Variants in ZNF804A observed in about 807,000 individuals in gnomAD.
ZNF804A encodes zinc finger protein 804A.
A neutral mutation model predicts 16.5 loss-of-function variants in ZNF804A; 2 were observed. The observed-to-expected ratio is 0.12, with a 90% confidence interval of 0.05 to 0.38. The LOEUF (loss-of-function observed/expected upper bound fraction) is 0.38, where lower values mean the gene tolerates loss of function less well. ZNF804A is among the 10% of genes least tolerant of loss of function. The probability of loss-of-function intolerance (pLI) is 0.99; values close to 1 mark genes in which losing one functional copy is unlikely to be tolerated. For missense variants in ZNF804A, 1,473 were observed against 1,390.7 expected, an observed-to-expected ratio of 1.06 and a Z score of -0.94; for synonymous variants, 534 against 489.6, an observed-to-expected ratio of 1.09 and a Z score of -1.20.
At chr2:184,742,017 AT>A (rs948013106) in intron 1 of ZNF804A, among the ~76,000 whole-genome samples, 24 of 152,074 alleles carry the variant, frequency 1.6e-4, no homozygotes, top group African/African-American at 5.5e-4. Context: ...TCTAATTTTT[AT>A]TTTTTATTTT....
intron 1 of ZNF804A, among the ~76,000 whole-genome samples, chr2:184,689,699 T>C (rs563205619): frequency 9.2e-5 from 14 of 152,206 alleles, no homozygotes; most frequent in Admixed American, 4.6e-4. Context: ...CACAACATTT[T>C]TAGCTCTTTA....
intron 1 of ZNF804A, among the ~76,000 whole-genome samples, chr2:184,641,877 A>G (rs1691801473): frequency 6.6e-6 from 1 of 152,194 alleles, no homozygotes; most frequent in South Asian, 2.1e-4. Context: ...TAGAAAACAA[A>G]TATTTTTGTA....
chr2:184,686,261 G>A (rs1164006480), intron 1 of ZNF804A, among the ~76,000 whole-genome samples: 1 of 152,186 alleles, frequency 6.6e-6, no homozygotes, highest in East Asian at 1.9e-4. Flanking sequence ...CAACTCAGTA[G>A]GGGGCGGGGC....
At chr2:184,634,875 G>A (rs1448758620) in intron 1 of ZNF804A, among the ~76,000 whole-genome samples, 1 of 152,068 alleles carries the variant, frequency 6.6e-6, no homozygotes, top group African/African-American at 2.4e-5. Flanking sequence ...TGTGGTATTT[G>A]TCAGGCTTAA....
intron 2 of ZNF804A, among the ~76,000 whole-genome samples, chr2:184,932,309 G>A (rs1685715053): frequency 6.6e-6 from 1 of 152,132 alleles, no homozygotes; most frequent in Admixed American, 6.5e-5. Flanking sequence ...ATCTGAGATT[G>A]GGTAATGTAT....
At chr2:184,830,210 T>G (rs909765008) in intron 1 of ZNF804A, among the ~76,000 whole-genome samples, 4 of 152,062 alleles carry the variant, frequency 2.6e-5, no homozygotes, top group African/African-American at 9.7e-5. Flanking sequence ...TAAAGTGTAA[T>G]TATAGTGTTG....
intron 2 of ZNF804A, among the ~76,000 whole-genome samples, chr2:184,927,568 A>G (rs1457848237): frequency 1.3e-5 from 2 of 152,224 alleles, no homozygotes; most frequent in Non-Finnish European, 2.9e-5. Flanking sequence ...CCTTTAGGGA[A>G]TCAAGTTCCT....
At position 184,864,875 on chromosome 2, in the gene ZNF804A, A is replaced by ATTTTTTTTTTTTTTTTT. The variant is rs34114485; in HGVS notation, c.112-1487_112-1471dup. On this transcript the variant is annotated intron_variant, in intron 1 of 3. Coordinates refer to ENST00000302277, the MANE Select transcript of ZNF804A (RefSeq NM_194250.2). The stretch of plus-strand genomic sequence containing the variant: ...TAAGAGACTTGAATATATAGTTAGG[A>ATTTTTTTTTTTTTTTTT]TTTTTTTTTTTTTTTTTTTTTTTGA... Among the ~76,000 whole-genome samples, 48 of 105,468 alleles carry ATTTTTTTTTTTTTTTTT rather than the reference A, an allele frequency of 4.6e-4. 4 individuals carry two copies. Among genetic ancestry groups the ATTTTTTTTTTTTTTTTT allele is most frequent in the African/African-American group, 1.9e-3 (43 of 22,126 alleles). 69.2% of individuals were successfully genotyped at this position (105,468 alleles called of 152,430 possible).
At chr2:184,738,881 T>TACAGACAGCA (rs1339952661) in intron 1 of ZNF804A, among the ~76,000 whole-genome samples, 1 of 152,224 alleles carries the variant, frequency 6.6e-6, no homozygotes, top group Non-Finnish European at 1.5e-5. Flanking sequence ...AAAACACTTC[T>TACAGACAGCA]ACAGACAGCA....
intron 1 of ZNF804A, among the ~76,000 whole-genome samples, chr2:184,675,378 A>G (rs1692406162): frequency 2.0e-5 from 3 of 151,894 alleles, no homozygotes; most frequent in South Asian, 4.1e-4. Context: ...TTTTGTGCAC[A>G]GGTTTGTTTT....
chr2:184,872,210 A>G (rs146777676), intron 2 of ZNF804A, among the ~76,000 whole-genome samples: 2 of 152,292 alleles, frequency 1.3e-5, no homozygotes, highest in African/African-American at 4.8e-5. Context: ...CTGATCAGAC[A>G]AAAGCTATCT....
rs370324852 is a variant in ZNF804A, at chr2:184,606,550, T to C, written c.111+7480T>C. 3.3e-5 allele frequency among the ~76,000 whole-genome samples: 5 copies of C among 152,276 alleles called. No individual in the cohort carries two copies. In the South Asian group the frequency reaches 6.2e-4, roughly 19 times the overall value. On this transcript the variant is annotated intron_variant, in intron 1 of 3. Coordinates refer to ENST00000302277, the MANE Select transcript of ZNF804A (RefSeq NM_194250.2). ...AGCCAGTTATTTAATCAAATTCTAA[T>C]GTAGGTATTGCTATGAAGGTATTTT...
At chr2:184,823,172 G>C (rs1695108412) in intron 1 of ZNF804A, among the ~76,000 whole-genome samples, 1 of 151,996 alleles carries the variant, frequency 6.6e-6, no homozygotes, top group African/African-American at 2.4e-5. Flanking sequence ...TGAACACTCT[G>C]TCCTCTGGAG....
At chr2:184,694,765 A>C (rs1392076453) in intron 1 of ZNF804A, among the ~76,000 whole-genome samples, 1 of 152,232 alleles carries the variant, frequency 6.6e-6, no homozygotes, top group Non-Finnish European at 1.5e-5. Context: ...ATTTCCTGAA[A>C]TTCAGATTAA....
chr2:184,871,284 G>C (rs1004891903), intron 2 of ZNF804A, among the ~76,000 whole-genome samples: 10 of 151,780 alleles, frequency 6.6e-5, no homozygotes, highest in African/African-American at 2.2e-4. Context: ...TGAATGAAGA[G>C]TAGATACCAC....
chr2:184,735,932 A>C (rs1006089821), intron 1 of ZNF804A, among the ~76,000 whole-genome samples: 13 of 152,210 alleles, frequency 8.5e-5, no homozygotes, highest in African/African-American at 3.1e-4. Context: ...AGGCACAGAG[A>C]TACAACATTG....
chr2:184,710,431 C>T (rs1297369165), intron 1 of ZNF804A, among the ~76,000 whole-genome samples: 1 of 151,010 alleles, frequency 6.6e-6, no homozygotes, highest in African/African-American at 2.4e-5. Flanking sequence ...TTTTTTGTGC[C>T]TTTAAACCAC....
intron 1 of ZNF804A, among the ~76,000 whole-genome samples, chr2:184,624,235 C>T (rs995690117): frequency 6.6e-6 from 1 of 151,888 alleles, no homozygotes; most frequent in Non-Finnish European, 1.5e-5. Context: ...TACTTAATGC[C>T]AATGAGTTAT....
intron 1 of ZNF804A, among the ~76,000 whole-genome samples, chr2:184,720,733 T>G (rs1359706886): frequency 6.6e-6 from 1 of 152,108 alleles, no homozygotes; most frequent in Non-Finnish European, 1.5e-5. Context: ...CCGATGTCAT[T>G]TTTCACAGAG....
Sources: allele counts gnomAD v4.1 joint callset (sites outside exome capture counted in the v4.1 genomes callset), GRCh38; gene constraint gnomAD v4.1.1; transcripts MANE v1.5; gene names NCBI Gene and HGNC (gene_info 2026-07-23, HGNC 2026-07-21).